The following TECTA variants were observed in gnomAD, a reference collection of about 807,000 sequenced individuals.
TECTA encodes the protein alpha-tectorin.
Under a neutral mutation model 216.8 loss-of-function variants are expected in TECTA, and 128 were observed. The observed-to-expected ratio is 0.59, with a 90% CI of 0.51 to 0.68. The LOEUF is 0.68. TECTA is among the 30% of genes least tolerant of loss of function. The probability of loss-of-function intolerance (pLI) is 0.00; values close to 1 mark genes in which losing one functional copy is unlikely to be tolerated. For synonymous variants in TECTA, 1,089 were observed against 1,117.1 expected, an observed-to-expected ratio of 0.97 and a Z score of 0.50; for missense variants, 2,551 against 2,786.2, an observed-to-expected ratio of 0.92 and a Z score of 1.90.
rs1946622458 is a variant in TECTA at position 121,127,344 on chromosome 11, A to G, written c.1775-408A>G. Among the ~76,000 whole-genome samples the G allele has an allele frequency of 6.6e-6, 1 of 152,186 alleles. No individual in the cohort carries two copies. The highest frequency in any genetic ancestry group is 1.5e-5 in the Non-Finnish European group (1 of 68,034). The stretch of plus-strand genomic sequence containing the variant: ...TGGTTACATTTTTCATTTCTCCTGA[A>G]AATTGGATTTATTTCCTTCTAAGAA... On this transcript the variant is annotated intron_variant, in intron 8 of 23. Transcript: ENST00000392793. This position sits in a 1 kb window ranked among gnomAD's most constrained non-coding sequence, Gnocchi z 5.0.
chr11:121,106,982 T>G (rs1254119206), intron 3 of TECTA, among the ~76,000 whole-genome samples: 1 of 152,198 alleles, frequency 6.6e-6, no homozygotes, highest in South Asian at 2.1e-4. Context: ...CACAAAAGTT[T>G]GAGAACCACT....
At chr11:121,168,546 T>G in intron 19 of TECTA, 131 bp from the exon 20 acceptor site, 1 of 1,353,126 alleles carries the variant, frequency 7.4e-7, no homozygotes, top group Non-Finnish European at 1.1e-6. Context: ...GGTACTGTAT[T>G]GGACAGCACA....
chr11:121,167,111 G>T (rs947809386), intron 18 of TECTA, among the ~76,000 whole-genome samples: 7 of 152,160 alleles, frequency 4.6e-5, no homozygotes, highest in Admixed American at 4.6e-4. Flanking sequence ...ATTTCAGGGG[G>T]TAAGGGAGTC....
intron 4 of TECTA, 25 bp downstream of exon 4, chr11:121,109,523 C>T (rs1236580553): frequency 1.2e-5 from 19 of 1,613,594 alleles, no homozygotes; most frequent in Non-Finnish European, 1.4e-5. Context: ...TTTCTGCTTT[C>T]CACTTCATAA....
chr11:121,162,016 C>T, intron 15 of TECTA, 59 bp from the exon 16 acceptor site: 1 of 1,608,182 alleles, frequency 6.2e-7, no homozygotes, highest in South Asian at 1.1e-5. Context: ...GGTACAGATG[C>T]AATTTACCTT....
At chr11:121,126,889 C>G (rs1193463328) in intron 8 of TECTA, among the ~76,000 whole-genome samples, 1 of 152,202 alleles carries the variant, frequency 6.6e-6, no homozygotes, top group South Asian at 2.1e-4. Context: ...CTTACAAGAG[C>G]ATCCAAATTA....
rs759739644 is a variant in TECTA at position 121,145,789 on chromosome 11, G to A, written c.3778G>A (p.Ala1260Thr). Residue 1260 changes from alanine to threonine, a missense_variant, in exon 12 of 24, where the codon GCA becomes ACA. Transcript: ENST00000392793. ...CCTGGAGATGCCCATGGGTCTGCTT[G>A]CATCGAGTGTCAATGAGTTTGGGCA... ...DDLEMPMGLL[A>T]SSVNEFGQSW... 1.9e-6 allele frequency: 3 copies of A among 1,614,228 alleles called. No individual in the cohort carries two copies. Among genetic ancestry groups the A allele is most frequent in the Non-Finnish European group, 8.5e-7 (1 of 1,180,042 alleles).
At chr11:121,175,819 A>G (rs971125551) in intron 20 of TECTA, among the ~76,000 whole-genome samples, 1 of 152,106 alleles carries the variant, frequency 6.6e-6, no homozygotes, top group Admixed American at 6.5e-5. Flanking sequence ...ATTGTGTGGG[A>G]GTCTAAGTCT....
chr11:121,139,558 G>A (rs539677974), intron 11 of TECTA, among the ~76,000 whole-genome samples: 5 of 152,318 alleles, frequency 3.3e-5, no homozygotes, highest in Admixed American at 3.3e-4. Flanking sequence ...AGCTGTGGTG[G>A]CAGACACCTG....
chr11:121,147,686 G>T (rs917145108), intron 12 of TECTA, among the ~76,000 whole-genome samples: 1 of 152,196 alleles, frequency 6.6e-6, no homozygotes, highest in African/African-American at 2.4e-5. Context: ...CCTAAACGTG[G>T]TGCAGAATGG....
chr11:121,189,663 C>G, intron 22 of TECTA, 101 bp from the exon 23 acceptor site: 2 of 1,182,032 alleles, frequency 1.7e-6, no homozygotes, highest in Non-Finnish European at 2.5e-6. Context: ...CGTGAGCCAC[C>G]GCGCCCAGCC....
At chr11:121,140,079 G>A (rs607014) in intron 11 of TECTA, among the ~76,000 whole-genome samples, 49,756 of 152,004 alleles carry the variant, frequency 0.33, 11,887 homozygotes, top group African/African-American at 0.68. Context: ...TGCCTTTCAC[G>A]TTTTTCTTTT....
Position 121,145,736 on chromosome 11 carries a change from G to C in TECTA, c.3725G>C (p.Gly1242Ala), listed in dbSNP as rs778569167. 1.2e-6 allele frequency: 2 copies of C among 1,614,260 alleles called. No individual in the cohort carries two copies. The highest frequency in any genetic ancestry group is 8.5e-7 in the Non-Finnish European group (1 of 1,180,052). ...CAGAACAGCACCTATGGTCTGTGTGGCCGCTACAACGGCAACCCTGATGAT... is the reference window on the plus strand; with the variant it reads ...CAGAACAGCACCTATGGTCTGTGTGCCCGCTACAACGGCAACCCTGATGAT... The part of the protein sequence containing the change: ...SMQNSTYGLC[G>A]RYNGNPDDDL... The change falls in exon 12 of 24, where the codon GGC becomes GCC. Residue 1242 changes from glycine (G) to alanine (A), a missense_variant. Gly to Ala is a moderately conservative substitution (Grantham distance 60, BLOSUM62 0). This residue lies in a region of TECTA where 2,375 missense variants were observed against 2,563.9 expected (regional missense o/e 0.93). Coordinates refer to ENST00000392793, the MANE Select transcript of TECTA (RefSeq NM_005422.4).
In TECTA at chr11:121,105,698, T is replaced by C; in HGVS notation, c.65-133T>C. On this transcript the variant is annotated intron_variant, in intron 2 of 23. Transcript: ENST00000392793. The surrounding 1 kb of genome is among the most constrained non-coding windows in gnomAD (Gnocchi z 5.3). Reference sequence around the variant, plus strand: ...GTGTATGGCCTAGGTTTAGGATGAATGACAGGGCAGTATGACTTGCATTCA... The same window carrying C: ...GTGTATGGCCTAGGTTTAGGATGAACGACAGGGCAGTATGACTTGCATTCA... The C allele has an allele frequency of 3.5e-6, 4 of 1,155,134 alleles. No individual in the cohort carries two copies. In the South Asian group the frequency reaches 5.2e-5, roughly 15 times the overall value. The allele number at this position is 1,155,134 out of a possible 1,614,324, so 71.6% of individuals were successfully genotyped here.
chr11:121,156,935 T>G (rs937170829), intron 13 of TECTA, among the ~76,000 whole-genome samples: 2 of 152,188 alleles, frequency 1.3e-5, no homozygotes, highest in African/African-American at 4.8e-5. Flanking sequence ...GTTCCTTTCA[T>G]GGACCCCAGG....
intron 20 of TECTA, among the ~76,000 whole-genome samples, chr11:121,177,339 A>G (rs1440974017): frequency 2.6e-5 from 4 of 152,156 alleles, no homozygotes; most frequent in African/African-American, 9.7e-5. Flanking sequence ...ATGGTGATGT[A>G]CAGATGGGTT....
intron 12 of TECTA, among the ~76,000 whole-genome samples, chr11:121,147,987 G>C (rs1946855506): frequency 6.6e-6 from 1 of 152,164 alleles, no homozygotes; most frequent in Non-Finnish European, 1.5e-5. Flanking sequence ...CAAGGAATAA[G>C]GGCCCCCACT....
Position 121,118,194 on chromosome 11 carries a change from CA to C in TECTA, c.791-111del, listed in dbSNP as rs1403582217. On this transcript the variant is annotated intron_variant, in intron 6 of 23. Transcript: ENST00000392793. ...AATGAGGGTGACCATACCTCCCTAACAGGGTTCTTACGTGGATTAAATGGTA... is the reference window on the plus strand; with the variant it reads ...AATGAGGGTGACCATACCTCCCTAACGGGTTCTTACGTGGATTAAATGGTA... The C allele has an allele frequency of 1.1e-5, 15 of 1,393,120 alleles. No individual in the cohort carries two copies. In the East Asian group the frequency reaches 1.7e-4, roughly 16 times the overall value. 86.3% of individuals were successfully genotyped at this position (1,393,120 alleles called of 1,614,324 possible).
chr11:121,127,971 T>A lies in TECTA; in HGVS notation c.1994T>A (p.Phe665Tyr). The A allele has an allele frequency of 6.2e-7, 1 of 1,614,150 alleles. No homozygotes were observed. Among genetic ancestry groups the A allele is most frequent in the Non-Finnish European group, 8.5e-7 (1 of 1,180,032 alleles). ...DGHYYTMGEF[F>Y]WATANCTVQC... is the part of the protein sequence containing the mutation. ...CACTACTACACCATGGGGGAGTTCT[T>A]CTGGGCCACGGCCAACTGCACTGTG... Residue 665 changes from phenylalanine (F) to tyrosine (Y), a missense_variant, in exon 9 of 24, where the codon TTC becomes TAC. Phe to Tyr is a conservative substitution (Grantham distance 22). Around this residue, in one of 3 missense-constraint regions of TECTA, gnomAD observed 2,375 missense variants for 2,563.9 expected, o/e 0.93. Coordinates refer to ENST00000392793, the MANE Select transcript of TECTA (RefSeq NM_005422.4). The surrounding 1 kb of genome is among the most constrained non-coding windows in gnomAD (Gnocchi z 5.0).
Sources: gnomAD v4.1 joint callset for allele counts (sites outside exome capture counted in the v4.1 genomes callset) on GRCh38, gnomAD v4.1.1 for gene constraint, gnomAD v4.1.1 regional missense constraint, Gnocchi (gnomAD v3.1) non-coding constraint, MANE v1.5 for transcripts, NCBI Gene and HGNC (gene_info 2026-07-23, HGNC 2026-07-21) for gene names.